SYTL2: variants seen among roughly 807,000 people sequenced by gnomAD.
SYTL2 encodes the protein synaptotagmin like 2.
A neutral mutation model predicts 198.7 loss-of-function variants in SYTL2; 165 were observed. That is an observed-to-expected ratio of 0.83 (90% CI 0.73 to 0.94). The LOEUF (loss-of-function observed/expected upper bound fraction) is 0.94. SYTL2 is among the 40% of genes least tolerant of loss of function. The probability of loss-of-function intolerance (pLI) is 0.00; values close to 1 mark genes in which losing one functional copy is unlikely to be tolerated. For synonymous variants in SYTL2, 966 were observed against 917.7 expected, an observed-to-expected ratio of 1.05 and a Z score of -0.95; for missense variants, 2,835 against 2,582.8, an observed-to-expected ratio of 1.10 and a Z score of -2.12.
intron 1 of SYTL2, among the ~76,000 whole-genome samples, chr11:85,767,750 C>G (rs1374792642): frequency 6.6e-6 from 1 of 152,156 alleles, no homozygotes. Flanking sequence ...CCCTCTCTCC[C>G]CCAACAATTC....
rs114413057 is a variant in SYTL2 at position 85,768,700 on chromosome 11, C to T, written c.-389-10586G>A. Among the ~76,000 whole-genome samples the T allele has an allele frequency of 4.0e-3, 613 of 152,292 alleles. 5 individuals carry two copies. The highest frequency in any genetic ancestry group is 0.014 in the African/African-American group (585 of 41,550). ...GAATGAGTCAAATTCTTGGTTTCTGCAAGCACACACACTCCCACCCCCTGC... is the reference window on the plus strand; with the variant it reads ...GAATGAGTCAAATTCTTGGTTTCTGTAAGCACACACACTCCCACCCCCTGC... On this transcript the variant is annotated intron_variant, in intron 1 of 19. Coordinates refer to ENST00000359152, the MANE Select transcript of SYTL2 (RefSeq NM_206927.4).
the SYTL2 span, chr11:85,853,342 T>C: frequency 1.6e-5 from 7 of 445,170 alleles, no homozygotes; most frequent in Non-Finnish European, 3.1e-5. Context: ...CTTGGGATGC[T>C]GTTGATCTAT....
At chr11:85,733,208 A>C (rs1051511644) in intron 7 of SYTL2, among the ~76,000 whole-genome samples, 4 of 152,330 alleles carry the variant, frequency 2.6e-5, no homozygotes, top group Admixed American at 6.5e-5. Context: ...TTGAGATTAC[A>C]AGAGAAACCA....
chr11:85,854,393 C>CTT, the SYTL2 span: 1 of 150,410 alleles, frequency 6.6e-6, no homozygotes, highest in Admixed American at 6.6e-5. Context: ...GAAAGAGGAA[C>CTT]TTTAAAGGCT....
intron 8 of SYTL2, among the ~76,000 whole-genome samples, chr11:85,722,642 A>G (rs1012368336): frequency 6.6e-6 from 1 of 152,082 alleles, no homozygotes; most frequent in South Asian, 2.1e-4. Context: ...GTAAGAGCCT[A>G]CCTCAACAAG....
intron 1 of SYTL2, among the ~76,000 whole-genome samples, chr11:85,791,844 T>C (rs774335374): frequency 1.3e-5 from 2 of 152,122 alleles, no homozygotes; most frequent in Non-Finnish European, 2.9e-5. Context: ...AAGAGCTGCT[T>C]GCTTTCTCAA....
At chr11:85,750,498 T>A (rs1446610606) in intron 2 of SYTL2, among the ~76,000 whole-genome samples, 2 of 152,170 alleles carry the variant, frequency 1.3e-5, no homozygotes, top group Non-Finnish European at 2.9e-5. Flanking sequence ...CCACAGCACC[T>A]CCACTTCAGT....
rs376811137 is a variant in SYTL2, at chr11:85,734,855, G to A, written c.587-113C>T. ...TGAAACTATTAAAATATTAAAGACA[G>A]TAAAGTATGTGGCACAACTACAGGC... On this transcript the variant is annotated intron_variant, in intron 6 of 19. Coordinates refer to ENST00000359152, the MANE Select transcript of SYTL2 (RefSeq NM_206927.4). The A allele has an allele frequency of 3.6e-6, 3 of 828,382 alleles. No individual in the cohort carries two copies. In the East Asian group the frequency reaches 8.1e-5, roughly 22 times the overall value. 51.3% of individuals were successfully genotyped at this position (828,382 alleles called of 1,614,324 possible).
chr11:85,789,371 T>C (rs1566026305), intron 1 of SYTL2, among the ~76,000 whole-genome samples: 1 of 56,202 alleles, frequency 1.8e-5, no homozygotes, highest in South Asian at 7.7e-4. Flanking sequence ...TATATATATA[T>C]ATATATGTAT....
chr11:85,765,058 C>T (rs774985374), intron 1 of SYTL2, among the ~76,000 whole-genome samples: 2 of 152,152 alleles, frequency 1.3e-5, no homozygotes, highest in Non-Finnish European at 2.9e-5. Flanking sequence ...ACATAAATTA[C>T]TCAATGTAGT....
the SYTL2 span, among the ~76,000 whole-genome samples, chr11:85,844,478 A>C: frequency 2.6e-5 from 4 of 152,212 alleles, no homozygotes; most frequent in East Asian, 1.9e-4. Context: ...ATACTGCCTC[A>C]TTCTCCAGAT....
At chr11:85,701,205 T>C (rs1381204335) in intron 16 of SYTL2, among the ~76,000 whole-genome samples, 1 of 152,258 alleles carries the variant, frequency 6.6e-6, no homozygotes, top group Non-Finnish European at 1.5e-5. Context: ...ATTTGTTTTT[T>C]GAAATTCGTA....
intron 12 of SYTL2, among the ~76,000 whole-genome samples, chr11:85,714,208 A>G (rs2086781887): frequency 6.6e-6 from 1 of 152,242 alleles, no homozygotes; most frequent in East Asian, 1.9e-4. Flanking sequence ...TTCACTAACC[A>G]AAAGGAGTTA....
intron 14 of SYTL2, chr11:85,708,159 A>C (rs1340988784): frequency 2.3e-6 from 1 of 433,918 alleles, no homozygotes; most frequent in Non-Finnish European, 4.6e-6. Context: ...ACCTCAAAAA[A>C]AAAAAAGAAA....
the SYTL2 span, among the ~76,000 whole-genome samples, chr11:85,835,086 T>C: frequency 6.6e-6 from 1 of 152,118 alleles, no homozygotes; most frequent in Admixed American, 6.6e-5. Flanking sequence ...GCTTATAACA[T>C]TTTCAACTTA....
the SYTL2 span, among the ~76,000 whole-genome samples, chr11:85,825,185 G>C: frequency 6.6e-6 from 1 of 152,056 alleles, no homozygotes; most frequent in African/African-American, 2.4e-5. Flanking sequence ...TCAGGAGATC[G>C]AGACCATCCC....
In SYTL2 at chr11:85,726,847, T is replaced by A. The variant is rs1258460431; in HGVS notation, c.2511A>T (p.Ser837=). Residue 837 remains serine (S), a synonymous_variant, in exon 8 of 20, where the codon TCA becomes TCT. Transcript: ENST00000359152. ...GGTCTGTAGATAAACTGTCCATGGA[T>A]GATACACCCTGTGACTTCTTCACAG... ...YQPVKKSQGV[S]SMDSLSTDQS... The A allele has an allele frequency of 1.3e-6, 2 of 1,536,580 alleles. No individual in the cohort carries two copies. Among genetic ancestry groups the A allele is most frequent in the Non-Finnish European group, 1.7e-6 (2 of 1,146,982 alleles).
intron 4 of SYTL2, among the ~76,000 whole-genome samples, chr11:85,741,969 A>ATCGTTTTTCTTGCAAGGAAATTTC (rs2090824334): frequency 6.6e-6 from 1 of 152,212 alleles, no homozygotes; most frequent in Non-Finnish European, 1.5e-5. Context: ...AAGGAAATTT[A>ATCGTTTTTCTTGCAAGGAAATTTC]TCATTTTCTT....
chr11:85,835,290 A>G, the SYTL2 span, among the ~76,000 whole-genome samples: 2 of 152,330 alleles, frequency 1.3e-5, no homozygotes, highest in South Asian at 2.1e-4. Flanking sequence ...AACAAAAACT[A>G]AATTAATTTC....
Sources: allele counts gnomAD v4.1 joint callset (sites outside exome capture counted in the v4.1 genomes callset), GRCh38; gene constraint gnomAD v4.1.1; transcripts MANE v1.5; gene names NCBI Gene and HGNC (gene_info 2026-07-23, HGNC 2026-07-21).